The following TAF4B variants were observed in gnomAD, a reference collection of about 807,000 sequenced individuals.
The protein encoded by TAF4B is transcription initiation factor TFIID subunit 4B.
In TAF4B, 38 loss-of-function variants were observed where a neutral mutation model predicts 86.4. The observed-to-expected ratio is 0.44, with a 90% CI of 0.34 to 0.58. TAF4B has a LOEUF of 0.58. Among genes scored for constraint, TAF4B ranks in the 20% least tolerant of loss-of-function variants. TAF4B has a pLI of 0.02. For missense variants in TAF4B, 988 were observed against 1,027.6 expected (o/e 0.96, Z 0.53); for synonymous variants, 388 against 391.2 (o/e 0.99, Z 0.10).
chr18:26,390,082 C>T lies in TAF4B; in HGVS notation c.*70C>T. On this transcript the variant is annotated 3_prime_UTR_variant, in exon 15 of 15. Transcript: ENST00000269142. ...AAGACACAAAGCATTGTTGCACTGTCCTGAAATTTCAATTTCTGGAAAATA... is the reference window on the plus strand; with the variant it reads ...AAGACACAAAGCATTGTTGCACTGTTCTGAAATTTCAATTTCTGGAAAATA... 1 of 1,447,906 alleles carries T rather than the reference C, an allele frequency of 6.9e-7. No homozygotes were observed. The highest frequency in any genetic ancestry group is 9.3e-7 in the Non-Finnish European group (1 of 1,079,426). The allele number at this position is 1,447,906 out of a possible 1,614,324, so 89.7% of individuals were successfully genotyped here. A position where few individuals can be genotyped will look rare whatever the true frequency, so the allele number is the denominator to read the frequency against.
At chr18:26,277,691 T>C (rs1027742393) in intron 5 of TAF4B, among the ~76,000 whole-genome samples, 1 of 152,232 alleles carries the variant, frequency 6.6e-6, no homozygotes, top group Non-Finnish European at 1.5e-5. Context: ...ATGGTGGATA[T>C]TCTTTAGAGT....
chr18:26,243,897 C>A (rs1287627396), intron 1 of TAF4B, among the ~76,000 whole-genome samples: 2 of 152,194 alleles, frequency 1.3e-5, no homozygotes. Flanking sequence ...TGCAGTACAG[C>A]AAATATTGCA....
intron 9 of TAF4B, among the ~76,000 whole-genome samples, chr18:26,301,530 G>C (rs773035482): frequency 1.3e-5 from 2 of 152,098 alleles, no homozygotes; most frequent in Non-Finnish European, 2.9e-5. Flanking sequence ...CAGGCCTCGA[G>C]TGATCCTCCT....
At chr18:26,278,646 G>A (rs916726029) in intron 5 of TAF4B, among the ~76,000 whole-genome samples, 2 of 148,204 alleles carry the variant, frequency 1.3e-5, no homozygotes, top group African/African-American at 5.0e-5. Context: ...CAAGCACATA[G>A]CACTGTAGAA....
At position 26,338,409 on chromosome 18, in the gene TAF4B, A is replaced by T. The variant is rs531082112; in HGVS notation, c.2316+3178A>T. On this transcript the variant is annotated intron_variant, in intron 13 of 14. Transcript: ENST00000269142. ...GGTTGCAGTGAGCCGACATGGTGCCACTGGACTGACTCCAGCCTGGGTGAC... is the reference window on the plus strand; with the variant it reads ...GGTTGCAGTGAGCCGACATGGTGCCTCTGGACTGACTCCAGCCTGGGTGAC... Among the ~76,000 whole-genome samples the T allele has an allele frequency of 3.0e-3, 442 of 147,050 alleles. 5 individuals are homozygous for T. Among genetic ancestry groups the T allele is most frequent in the African/African-American group, 0.011 (426 of 40,426 alleles).
At chr18:26,280,278 C>T (rs766361909) in intron 5 of TAF4B, among the ~76,000 whole-genome samples, 28 of 152,220 alleles carry the variant, frequency 1.8e-4, no homozygotes, top group Admixed American at 5.2e-4. Flanking sequence ...GGCAAACTCT[C>T]CAAAAGCAAT....
chr18:26,252,271 A>G (rs980972152), intron 1 of TAF4B, among the ~76,000 whole-genome samples: 1 of 152,152 alleles, frequency 6.6e-6, no homozygotes, highest in Non-Finnish European at 1.5e-5. Context: ...TTTTGGTGCT[A>G]TTGTGAATAG....
chr18:26,272,397 C>A (rs939048735), intron 3 of TAF4B, among the ~76,000 whole-genome samples: 2 of 152,096 alleles, frequency 1.3e-5, no homozygotes, highest in African/African-American at 4.8e-5. Context: ...CCTATACCCG[C>A]CCGCGGCACA....
At position 26,267,640 on chromosome 18, in the gene TAF4B, A is replaced by G; in HGVS notation, c.597+17A>G. ...TCAGTACAAGTAAGTTGTGCTGGCC[A>G]TTCGTGCACTTGTTGTTCTCTTAAC... On this transcript the variant is annotated intron_variant, in intron 3 of 14. Coordinates refer to ENST00000269142, the MANE Select transcript of TAF4B (RefSeq NM_005640.3). The G allele has an allele frequency of 6.5e-7, 1 of 1,539,684 alleles. No individual in the cohort carries two copies. Among genetic ancestry groups the G allele is most frequent in the Non-Finnish European group, 9.0e-7 (1 of 1,113,236 alleles).
At chr18:26,227,371 A>G in intron 1 of TAF4B, 95 bp downstream of exon 1, 1 of 1,087,968 alleles carries the variant, frequency 9.2e-7, no homozygotes, top group Non-Finnish European at 1.4e-6. Flanking sequence ...AAACTGAGCC[A>G]CGGGAACATT....
At chr18:26,363,228 T>C (rs1363071873) in intron 14 of TAF4B, among the ~76,000 whole-genome samples, 1 of 152,000 alleles carries the variant, frequency 6.6e-6, no homozygotes, top group Non-Finnish European at 1.5e-5. Flanking sequence ...GTTTCCTTGT[T>C]GTTGATTTTT....
chr18:26,350,750 C>G (rs1215868840), intron 13 of TAF4B, among the ~76,000 whole-genome samples: 1 of 152,134 alleles, frequency 6.6e-6, no homozygotes, highest in African/African-American at 2.4e-5. Context: ...GACATGCAAA[C>G]AGCCAACAGG....
intron 12 of TAF4B, among the ~76,000 whole-genome samples, chr18:26,329,931 A>G (rs944628748): frequency 3.9e-5 from 6 of 152,100 alleles, no homozygotes; most frequent in African/African-American, 1.2e-4. Context: ...CAGCCCCCCA[A>G]GTAGTTGGGA....
At chr18:26,354,161 C>T (rs750934440) in intron 13 of TAF4B, among the ~76,000 whole-genome samples, 26 of 152,102 alleles carry the variant, frequency 1.7e-4, no homozygotes, top group Non-Finnish European at 3.5e-4. Context: ...CTGCAGCCTC[C>T]GCTTTTGGGT....
At chr18:26,245,764 C>T (rs2055914256) in intron 1 of TAF4B, among the ~76,000 whole-genome samples, 1 of 152,214 alleles carries the variant, frequency 6.6e-6, no homozygotes, top group African/African-American at 2.4e-5. Flanking sequence ...TCCAAGTCCG[C>T]ACTCGACCCA....
rs1291339948 is a variant in TAF4B, at chr18:26,390,584, T to C, written c.*572T>C. ...AATGGGGATAGATTGTGCCTGGGGTTGCTAATTCTCTGCTTCATATCACCA... is the reference window on the plus strand; with the variant it reads ...AATGGGGATAGATTGTGCCTGGGGTCGCTAATTCTCTGCTTCATATCACCA... On this transcript the variant is annotated 3_prime_UTR_variant, in exon 15 of 15. Coordinates refer to ENST00000269142, the MANE Select transcript of TAF4B (RefSeq NM_005640.3). 6.6e-6 allele frequency: 1 copy of C among 152,266 alleles called. No individual in the cohort carries two copies. Among genetic ancestry groups the C allele is most frequent in the Admixed American group, 6.5e-5 (1 of 15,282 alleles). The allele number at this position is 152,266 out of a possible 1,614,324, so 9.4% of individuals were successfully genotyped here.
intron 5 of TAF4B, among the ~76,000 whole-genome samples, chr18:26,277,152 GGCTCCCT>G (rs988083342): frequency 6.6e-6 from 1 of 151,980 alleles, no homozygotes; most frequent in African/African-American, 2.4e-5. Context: ...GCGTGAACAA[GGCTCCCT>G]GCTTTCTTGA....
Position 26,281,982 on chromosome 18 carries a change from C to G in TAF4B, c.894C>G (p.Ile298Met). 1.2e-6 allele frequency: 2 copies of G among 1,612,218 alleles called. No homozygotes were observed. Among genetic ancestry groups the G allele is most frequent in the Non-Finnish European group, 1.7e-6 (2 of 1,179,174 alleles). ...CTCCCATCCCTCAGGATGCAAAAAT[C>G]GAAGCAGAAGAATTTACTAGGAAAC... Reference protein sequence around the residue: ...KLVEQLLDAKIEAEEFTRKLY... With the variant: ...KLVEQLLDAKMEAEEFTRKLY... Residue 298 changes from isoleucine to methionine, a missense_variant, in exon 6 of 15, where the codon ATC becomes ATG. Ile to Met is a conservative substitution (Grantham distance 10). Transcript: ENST00000269142.
At chr18:26,295,847 A>G (rs774747133) in intron 9 of TAF4B, among the ~76,000 whole-genome samples, 1 of 152,010 alleles carries the variant, frequency 6.6e-6, no homozygotes, top group Non-Finnish European at 1.5e-5. Context: ...GAAATCTCAT[A>G]GTTTTGCCCT....
Sources: allele counts gnomAD v4.1 joint callset (sites outside exome capture counted in the v4.1 genomes callset), GRCh38; gene constraint gnomAD v4.1.1; transcripts MANE v1.5; gene names NCBI Gene and HGNC (gene_info 2026-07-23, HGNC 2026-07-21).